Variants in MEI1 observed in about 807,000 individuals in gnomAD.
MEI1 encodes meiotic double-stranded break formation protein 1.
Under a neutral mutation model 146.2 loss-of-function variants are expected in MEI1, and 103 were observed. That is an observed-to-expected ratio of 0.70 (90% CI 0.60 to 0.83). The LOEUF (loss-of-function observed/expected upper bound fraction) is 0.83, where lower values mean the gene tolerates loss of function less well. Among genes scored for constraint, MEI1 ranks in the 40% least tolerant of loss-of-function variants. The pLI is 0.00. For synonymous variants in MEI1, 652 were observed against 628.2 expected (o/e 1.04, Z -0.57); for missense variants, 1,529 against 1,533.0 (o/e 1.00, Z 0.04).
chr22:41,703,516 G>T, intron 2 of MEI1, 62 bp downstream of exon 2: 1 of 1,380,112 alleles, frequency 7.2e-7, no homozygotes, highest in Non-Finnish European at 9.5e-7. Context: ...TCTGCTTTTG[G>T]GGCTCTTGGA....
rs751980809 is a variant in MEI1, at chr22:41,718,159, C to T, written c.618C>T (p.Tyr206=). ...TCTGTTACCTTTATGGGAAGCTATA[C>T]TCCTCACCAGTGGCAGCTGAGATGC... ...ASVCYLYGKL[Y]SSPVAAEMLS... The change falls in exon 6 of 31, where the codon TAC becomes TAT. Residue 206 remains tyrosine, a synonymous_variant. Transcript: ENST00000401548. The T allele has an allele frequency of 2.5e-6, 4 of 1,613,942 alleles. No homozygotes were observed. The South Asian group carries it at 3.3e-5, about 13-fold the overall frequency.
chr22:41,798,325 C>G (rs538434621), intron 30 of MEI1, among the ~76,000 whole-genome samples: 61 of 152,144 alleles, frequency 4.0e-4, no homozygotes, highest in Non-Finnish European at 7.1e-4. Flanking sequence ...GCCTGTAATC[C>G]CAGCACTTTG....
chr22:41,725,691 C>T (rs1473868470), intron 7 of MEI1, among the ~76,000 whole-genome samples: 1 of 152,230 alleles, frequency 6.6e-6, no homozygotes, highest in Non-Finnish European at 1.5e-5. Flanking sequence ...GCCTATAGGG[C>T]ATTTCTCCTC....
Position 41,732,291 on chromosome 22 carries a change from C to A in MEI1, c.1143C>A (p.Asn381Lys), listed in dbSNP as rs1226805492. ...VRSLQGSLKM[N>K]NIELHKQGLL... ...GCCTGCAGGGAAGCCTGAAGATGAA[C>A]AACATAGAGCTGCACAAGCAGGGCC... The change falls in exon 10 of 31, where the codon AAC becomes AAA. Residue 381 changes from asparagine to lysine, a missense_variant. Around this residue, in one of 3 missense-constraint regions of MEI1, gnomAD observed 1,212 missense variants for 1,178.9 expected, o/e 1.03. Coordinates refer to ENST00000401548, the MANE Select transcript of MEI1 (RefSeq NM_152513.4). 2 of 1,612,432 alleles carry A rather than the reference C, an allele frequency of 1.2e-6. No individual in the cohort carries two copies. Among genetic ancestry groups the A allele is most frequent in the Middle Eastern group, 1.7e-4 (1 of 6,054 alleles).
intron 26 of MEI1, among the ~76,000 whole-genome samples, chr22:41,790,365 G>A (rs1445470074): frequency 6.6e-6 from 1 of 152,142 alleles, no homozygotes; most frequent in Non-Finnish European, 1.5e-5. Flanking sequence ...GATTACAGGT[G>A]TGAGCCACCG....
chr22:41,705,129 G>A (rs1250302068), intron 2 of MEI1, among the ~76,000 whole-genome samples: 1 of 151,852 alleles, frequency 6.6e-6, no homozygotes, highest in Non-Finnish European at 1.5e-5. Context: ...AATTTACAAT[G>A]TGCCTGTGTG....
intron 26 of MEI1, among the ~76,000 whole-genome samples, chr22:41,788,823 A>C (rs2076077211): frequency 6.6e-6 from 1 of 151,870 alleles, no homozygotes; most frequent in Non-Finnish European, 1.5e-5. Flanking sequence ...GTGACATTCA[A>C]CTCTGCCTCT....
intron 11 of MEI1, among the ~76,000 whole-genome samples, chr22:41,736,103 C>A (rs35519272): frequency 1.3e-5 from 2 of 152,164 alleles, no homozygotes; most frequent in Non-Finnish European, 2.9e-5. Context: ...CCTGCCTCTT[C>A]CAGCTTCTGG....
chr22:41,732,399 G>T (rs1048681779), intron 10 of MEI1, 55 bp downstream of exon 10: 3 of 1,613,618 alleles, frequency 1.9e-6, no homozygotes, highest in Non-Finnish European at 2.5e-6. Context: ...AGAAGGAAAA[G>T]TGGGCTTTCA....
At chr22:41,778,543 T>G (rs1195969195) in intron 21 of MEI1, 165 bp from the exon 22 acceptor site, 1 of 590,174 alleles carries the variant, frequency 1.7e-6, no homozygotes, top group African/African-American at 1.9e-5. Context: ...ACGCCTGTTC[T>G]AAATGAAGAA....
At chr22:41,750,561 G>A (rs2073680608) in intron 15 of MEI1, among the ~76,000 whole-genome samples, 1 of 152,130 alleles carries the variant, frequency 6.6e-6, no homozygotes, top group Non-Finnish European at 1.5e-5. Context: ...GGTGTGTGGG[G>A]AAGGTGAGAA....
chr22:41,777,074 C>T (rs1237688918), intron 21 of MEI1, among the ~76,000 whole-genome samples: 4 of 152,042 alleles, frequency 2.6e-5, no homozygotes, highest in Admixed American at 6.6e-5. Flanking sequence ...ACCTCAGCCT[C>T]CCAAAGTGGT....
rs1182753954 is a variant in MEI1 at position 41,732,237 on chromosome 22, TGTGGTAGGGATCGAG to T, written c.1097-6_1105del. ...ATCCCTGGCCTCTGTCATGTCATCC[TGTGGTAGGGATCGAG>T]GCAGTGGTGAGGAGCCTGCAGGGAA... On this transcript the variant is annotated splice_acceptor_variant and splice_polypyrimidine_tract_variant and coding_sequence_variant and intron_variant, in exon 10 of 31. Transcript: ENST00000401548. LOFTEE classifies it high-confidence loss of function. The T allele has an allele frequency of 6.2e-7, 1 of 1,602,210 alleles. No individual in the cohort carries two copies. Among genetic ancestry groups the T allele is most frequent in the South Asian group, 1.1e-5 (1 of 89,138 alleles).
At chr22:41,742,522 A>C (rs1023587452) in intron 11 of MEI1, among the ~76,000 whole-genome samples, 1 of 152,246 alleles carries the variant, frequency 6.6e-6, no homozygotes, top group Non-Finnish European at 1.5e-5. Context: ...AGTGTTTGGC[A>C]TACATTATCG....
At chr22:41,712,703 G>GTGTGTGTGT (rs766760114) in intron 3 of MEI1, among the ~76,000 whole-genome samples, 106 of 91,448 alleles carry the variant, frequency 1.2e-3, no homozygotes, top group African/African-American at 4.2e-3. Context: ...TGTGTGTGTG[G>GTGTGTGTGT]AGCAATATAT....
At chr22:41,729,831 T>C in intron 8 of MEI1, 52 bp downstream of exon 8, 1 of 1,219,096 alleles carries the variant, frequency 8.2e-7, no homozygotes, top group Non-Finnish European at 1.2e-6. Context: ...GATGGGGTGG[T>C]GACAGGTTCA....
At chr22:41,766,868 C>T (rs1053674858) in intron 19 of MEI1, among the ~76,000 whole-genome samples, 1 of 151,426 alleles carries the variant, frequency 6.6e-6, no homozygotes, top group Admixed American at 6.6e-5. Flanking sequence ...TGTAGATTCA[C>T]GTTGCCCTAG....
intron 26 of MEI1, 134 bp from the exon 27 acceptor site, chr22:41,793,695 A>T: frequency 1.4e-6 from 1 of 713,956 alleles, no homozygotes; most frequent in African/African-American, 1.8e-5. Flanking sequence ...TTTCTTGATT[A>T]TCTACAGGGC....
chr22:41,786,172 A>C (rs2075979624), intron 26 of MEI1, among the ~76,000 whole-genome samples: 1 of 151,630 alleles, frequency 6.6e-6, no homozygotes, highest in Non-Finnish European at 1.5e-5. Context: ...GGCCTCCCAA[A>C]GTGCTGGGAT....
Sources: allele counts gnomAD v4.1 joint callset (sites outside exome capture counted in the v4.1 genomes callset), GRCh38; gene constraint gnomAD v4.1.1; regional missense constraint gnomAD v4.1.1; transcripts MANE v1.5; gene names NCBI Gene and HGNC (gene_info 2026-07-23, HGNC 2026-07-21).